Variants in USP15 observed in about 807,000 individuals in gnomAD.
The protein encoded by USP15 is ubiquitin specific peptidase 15, also known as ubiquitin carboxyl-terminal hydrolase 15.
Under a neutral mutation model 127.1 loss-of-function variants are expected in USP15, and 18 were observed. The ratio of observed to expected loss-of-function variants is 0.14; its 90% CI spans 0.10 to 0.21. USP15 has a LOEUF of 0.21. USP15 is among the 10% of genes least tolerant of loss of function. The pLI, the probability that USP15 is intolerant of heterozygous loss-of-function variation, is 1.00. For synonymous variants in USP15, 364 were observed against 393.7 expected, an observed-to-expected ratio of 0.92 and a Z score of 0.89; for missense variants, 805 against 1,159.9, an observed-to-expected ratio of 0.69 and a Z score of 4.44.
At chr12:62,358,929 G>A (rs2137464390) in intron 8 of USP15, among the ~76,000 whole-genome samples, 1 of 152,184 alleles carries the variant, frequency 6.6e-6, no homozygotes, top group East Asian at 1.9e-4. Flanking sequence ...TCCCCAAGGT[G>A]GAGAGGGGGC....
At chr12:62,313,315 T>G (rs1482001426) in intron 3 of USP15, among the ~76,000 whole-genome samples, 1 of 151,708 alleles carries the variant, frequency 6.6e-6, no homozygotes, top group African/African-American at 2.4e-5. Context: ...AAACTATGCC[T>G]ATTTAGAAAG....
intron 7 of USP15, among the ~76,000 whole-genome samples, chr12:62,353,012 A>AAAGGTACTAGAGGCT (rs2066006870): frequency 1.3e-5 from 2 of 152,022 alleles, no homozygotes; most frequent in South Asian, 4.1e-4. Flanking sequence ...CATAGTCATG[A>AAAGGTACTAGAGGCT]AAGGTACTAG....
intron 4 of USP15, among the ~76,000 whole-genome samples, chr12:62,317,814 T>A (rs2064874074): frequency 6.6e-6 from 1 of 152,204 alleles, no homozygotes; most frequent in Admixed American, 6.5e-5. Flanking sequence ...TCTAAATGAT[T>A]TACCTATCAG....
intron 8 of USP15, among the ~76,000 whole-genome samples, chr12:62,375,532 C>A (rs148469692): frequency 2.3e-3 from 350 of 152,170 alleles, no homozygotes; most frequent in African/African-American, 7.8e-3. Flanking sequence ...CTCTCAAGTG[C>A]GGTGTAACGG....
At chr12:62,400,373 A>G (rs1267905275) in intron 20 of USP15, among the ~76,000 whole-genome samples, 1 of 152,118 alleles carries the variant, frequency 6.6e-6, no homozygotes, top group Non-Finnish European at 1.5e-5. Context: ...CCTCTCATAT[A>G]CTTGTATGTG....
intron 8 of USP15, chr12:62,374,492 A>G (rs1386565242): frequency 6.1e-6 from 6 of 985,658 alleles, no homozygotes; most frequent in Non-Finnish European, 7.2e-6. Flanking sequence ...ATTACAAAAG[A>G]CAACTTTCTC....
chr12:62,339,739 T>C lies in USP15; in HGVS notation c.684-9482T>C, dbSNP rs565898274. On this transcript the variant is annotated intron_variant, in intron 6 of 21. Coordinates refer to ENST00000280377, the MANE Select transcript of USP15 (RefSeq NM_001252078.2). ...TTTGCATCCCAGGGATGAAGCTCAC[T>C]TGATCATGGTGGATAAGCTTTTTGA... Among the ~76,000 whole-genome samples the C allele has an allele frequency of 2.6e-5, 4 of 152,326 alleles. No individual in the cohort carries two copies. The South Asian group carries it at 8.3e-4, about 32-fold the overall frequency.
rs1231673618 is a variant in USP15, at chr12:62,409,825, A to T, written c.*5450A>T. ...AACCTTAAACATCACCACATTTCTA[A>T]TTTTTATTTAAAATCTTTCAGAATT... is the stretch of plus-strand genomic sequence containing the variant. On this transcript the variant is annotated 3_prime_UTR_variant, in exon 22 of 22. Transcript: ENST00000280377. 11 of 152,106 alleles carry T rather than the reference A, an allele frequency of 7.2e-5. No individual in the cohort carries two copies. The highest frequency in any genetic ancestry group is 7.2e-4 in the Admixed American group (11 of 15,248). 9.4% of individuals were successfully genotyped at this position (152,106 alleles called of 1,614,324 possible).
At chr12:62,262,518 A>G (rs1031352733) in intron 1 of USP15, among the ~76,000 whole-genome samples, 1 of 152,210 alleles carries the variant, frequency 6.6e-6, no homozygotes, top group Non-Finnish European at 1.5e-5. Flanking sequence ...GTTTTTGTAT[A>G]TAGAGTAATT....
At chr12:62,352,289 A>C (rs2137433904) in intron 7 of USP15, among the ~76,000 whole-genome samples, 1 of 151,956 alleles carries the variant, frequency 6.6e-6, no homozygotes, top group Admixed American at 6.6e-5. Flanking sequence ...AAAAACCAGT[A>C]TTATGAAAAA....
chr12:62,393,946 C>G (rs1036254906), intron 19 of USP15: 3 of 152,192 alleles, frequency 2.0e-5, no homozygotes, highest in Non-Finnish European at 4.4e-5. Flanking sequence ...AAGGATAACA[C>G]AGTAGTGAAA....
intron 8 of USP15, chr12:62,374,652 C>T (rs1204175685): frequency 1.1e-6 from 1 of 877,230 alleles, no homozygotes; most frequent in Non-Finnish European, 1.4e-6. Flanking sequence ...CATTATTTGA[C>T]TTCATCAATT....
intron 8 of USP15, among the ~76,000 whole-genome samples, chr12:62,362,013 G>C (rs975415776): frequency 6.6e-6 from 1 of 151,892 alleles, no homozygotes; most frequent in African/African-American, 2.4e-5. Context: ...GCATAATGCA[G>C]GTTATTTTTT....
intron 1 of USP15, among the ~76,000 whole-genome samples, chr12:62,282,024 A>G (rs12372582): frequency 0.076 from 11,509 of 152,190 alleles, 647 homozygotes; most frequent in East Asian, 0.24. Flanking sequence ...CTATGCTTAC[A>G]TATAATAAAG....
At chr12:62,372,372 C>T (rs772023774) in intron 8 of USP15, among the ~76,000 whole-genome samples, 2 of 151,970 alleles carry the variant, frequency 1.3e-5, no homozygotes, top group African/African-American at 2.4e-5. Context: ...GGAAATAGTT[C>T]CTTGAAAGAT....
At chr12:62,379,542 A>AT (rs143188536) in intron 8 of USP15, among the ~76,000 whole-genome samples, 71 of 152,304 alleles carry the variant, frequency 4.7e-4, no homozygotes, top group African/African-American at 1.5e-3. Context: ...TATGTGAATA[A>AT]TTAAGTTATA....
intron 8 of USP15, among the ~76,000 whole-genome samples, chr12:62,380,736 TC>T (rs2137565026): frequency 6.6e-6 from 1 of 152,162 alleles, no homozygotes; most frequent in South Asian, 2.1e-4. Flanking sequence ...ATTATATGGA[TC>T]ATCACCTTAA....
intron 2 of USP15, among the ~76,000 whole-genome samples, chr12:62,299,685 C>T (rs997396206): frequency 9.2e-5 from 14 of 152,174 alleles, no homozygotes; most frequent in African/African-American, 3.1e-4. Context: ...GATACCTAGA[C>T]ATGAAATTGT....
At chr12:62,260,753 G>A (rs1031966443) in intron 1 of USP15, among the ~76,000 whole-genome samples, 1 of 152,156 alleles carries the variant, frequency 6.6e-6, no homozygotes, top group African/African-American at 2.4e-5. Context: ...GTTCTGACTC[G>A]TGCGGTTCTC....
Sources: gnomAD v4.1 joint callset for allele counts (sites outside exome capture counted in the v4.1 genomes callset) on GRCh38, gnomAD v4.1.1 for gene constraint, MANE v1.5 for transcripts, NCBI Gene and HGNC (gene_info 2026-07-23, HGNC 2026-07-21) for gene names.